AP2A2: variants seen among roughly 807,000 people sequenced by gnomAD.
AP2A2 encodes the protein adaptor related protein complex 2 subunit alpha 2.
Under a neutral mutation model 104.2 loss-of-function variants are expected in AP2A2, and 32 were observed. The ratio of observed to expected loss-of-function variants is 0.31; its 90% confidence interval spans 0.23 to 0.41. The LOEUF (loss-of-function observed/expected upper bound fraction) is 0.41. AP2A2 is among the 10% of genes least tolerant of loss of function. The pLI is 1.00. For missense variants in AP2A2, 912 were observed against 1,261.0 expected, an observed-to-expected ratio of 0.72 and a Z score of 4.19; for synonymous variants, 539 against 533.3, an observed-to-expected ratio of 1.01 and a Z score of -0.15.
rs569756691 is a variant in AP2A2, at chr11:933,980, C to T, written c.67+7892C>T. Among the ~76,000 whole-genome samples, 8 of 152,180 alleles carry T rather than the reference C, an allele frequency of 5.3e-5. No individual in the cohort carries two copies. The East Asian group carries it at 1.5e-3, about 29-fold the overall frequency. On this transcript the variant is annotated intron_variant, in intron 1 of 21. Transcript: ENST00000448903. ...AGGCTTCAGCAGGCTGGGAAGGTGG[C>T]AGGAGCACAGGGTGCCAGGGGTGGG...
At chr11:988,101 C>T (rs7115336) in intron 9 of AP2A2, among the ~76,000 whole-genome samples, 1 of 152,236 alleles carries the variant, frequency 6.6e-6, no homozygotes, top group African/African-American at 2.4e-5. Flanking sequence ...CGGGCTTTCT[C>T]GTGCTGCAGA....
chr11:971,259 T>G (rs1589978766), intron 3 of AP2A2, among the ~76,000 whole-genome samples: 4 of 130,162 alleles, frequency 3.1e-5, no homozygotes, highest in Admixed American at 8.0e-5. Flanking sequence ...GGAGTGGAGG[T>G]GGGTGTGTTG....
At chr11:1,007,962 T>G in intron 17 of AP2A2, 50 bp from the exon 18 acceptor site, 2 of 1,550,868 alleles carry the variant, frequency 1.3e-6, no homozygotes, top group African/African-American at 1.4e-5. Context: ...CCGGCCCGTT[T>G]CCGCTTCTGC....
chr11:978,241 C>T (rs757511816), intron 5 of AP2A2, among the ~76,000 whole-genome samples: 54 of 152,218 alleles, frequency 3.5e-4, no homozygotes, highest in Admixed American at 1.5e-3. Flanking sequence ...GCTGAGGGAC[C>T]GGGGCTGCCT....
At chr11:994,588 T>G (rs1163011938) in intron 14 of AP2A2, among the ~76,000 whole-genome samples, 11 of 116,572 alleles carry the variant, frequency 9.4e-5, no homozygotes, top group South Asian at 3.0e-4. Flanking sequence ...CGCCCCGTTG[T>G]CCTGTCCCGG....
rs558115344 is a variant in AP2A2 at position 964,373 on chromosome 11, T to G, written c.136+4868T>G. ...CAGCTCTGACCTGGAGTTCTGGGGC[T>G]TCTCTGCGGGGCACCAGTCTGTAGG... On this transcript the variant is annotated intron_variant, in intron 2 of 21. Transcript: ENST00000448903. 9.8e-5 allele frequency among the ~76,000 whole-genome samples: 15 copies of G among 152,364 alleles called. 1 individual carries two copies. In the East Asian group the frequency reaches 2.9e-3, roughly 29 times the overall value.
At chr11:959,205 T>C (rs916809537) in intron 1 of AP2A2, among the ~76,000 whole-genome samples, 15 of 152,246 alleles carry the variant, frequency 9.9e-5, no homozygotes, top group African/African-American at 3.6e-4. Context: ...CTCGCTCCTT[T>C]GCTGTCCTGA....
intron 4 of AP2A2, among the ~76,000 whole-genome samples, chr11:973,104 C>T (rs1177045235): frequency 1.3e-5 from 2 of 152,236 alleles, no homozygotes; most frequent in Non-Finnish European, 2.9e-5. Context: ...CACGGTGCCA[C>T]CCGGCTGAGC....
At chr11:1,006,168 C>G (rs1297912017) in intron 16 of AP2A2, among the ~76,000 whole-genome samples, 1 of 152,238 alleles carries the variant, frequency 6.6e-6, no homozygotes, top group African/African-American at 2.4e-5. Flanking sequence ...GGAAAAGATG[C>G]TTGGCAGGCC....
intron 1 of AP2A2, among the ~76,000 whole-genome samples, chr11:945,855 T>C (rs1410332846): frequency 6.6e-6 from 1 of 152,126 alleles, no homozygotes; most frequent in Non-Finnish European, 1.5e-5. Flanking sequence ...TAGGTGAGGC[T>C]TAGAGGCAGG....
intron 1 of AP2A2, among the ~76,000 whole-genome samples, chr11:957,759 A>G (rs1270032694): frequency 2.6e-5 from 4 of 152,220 alleles, no homozygotes; most frequent in East Asian, 1.9e-4. Flanking sequence ...TGCTCCCTGT[A>G]TCGTAATCCC....
intron 1 of AP2A2, among the ~76,000 whole-genome samples, chr11:959,166 G>A (rs1221158163): frequency 6.6e-6 from 1 of 152,246 alleles, no homozygotes; most frequent in Non-Finnish European, 1.5e-5. Flanking sequence ...CCCCCTGGGT[G>A]CGCAGCGGCT....
At chr11:938,926 A>G (rs1214471891) in intron 1 of AP2A2, among the ~76,000 whole-genome samples, 12 of 152,128 alleles carry the variant, frequency 7.9e-5, no homozygotes, top group Admixed American at 4.6e-4. Flanking sequence ...GCTTGTCCTT[A>G]CTTAAATGTT....
At chr11:996,451 T>G (rs759840171) in intron 14 of AP2A2, among the ~76,000 whole-genome samples, 48 of 152,206 alleles carry the variant, frequency 3.2e-4, no homozygotes, top group Non-Finnish European at 5.7e-4. Flanking sequence ...GTCTTCAGTC[T>G]CTCTTTGGTT....
At chr11:960,968 G>A (rs1854416041) in intron 2 of AP2A2, among the ~76,000 whole-genome samples, 1 of 152,270 alleles carries the variant, frequency 6.6e-6, no homozygotes, top group South Asian at 2.1e-4. Context: ...GTGCACCTTT[G>A]TTCTTAACTG....
intron 4 of AP2A2, among the ~76,000 whole-genome samples, chr11:976,009 A>C (rs1472404524): frequency 2.0e-5 from 3 of 152,208 alleles, no homozygotes; most frequent in Non-Finnish European, 4.4e-5. Flanking sequence ...AGCCACAAGC[A>C]TGGAACCTGG....
intron 4 of AP2A2, among the ~76,000 whole-genome samples, chr11:972,518 G>A (rs929748291): frequency 1.3e-5 from 2 of 152,100 alleles, no homozygotes; most frequent in African/African-American, 2.4e-5. Flanking sequence ...AACATAGGGA[G>A]ATCCCATCTC....
Position 988,857 on chromosome 11 carries a change from G to A in AP2A2, c.1269+168G>A, listed in dbSNP as rs531250384. ...TGTTTTCATCCACATTTTCAAGCTG[G>A]GTGTGGTGGCACCTGTGGTCCCCGC... On this transcript the variant is annotated intron_variant, in intron 10 of 21. Transcript: ENST00000448903. 36 of 943,412 alleles carry A rather than the reference G, an allele frequency of 3.8e-5. No homozygotes were observed. The African/African-American group carries it at 4.5e-4, about 12-fold the overall frequency. 58.4% of individuals were successfully genotyped at this position (943,412 alleles called of 1,614,324 possible).
intron 7 of AP2A2, among the ~76,000 whole-genome samples, chr11:984,988 CA>C (rs1855403263): frequency 6.6e-6 from 1 of 152,094 alleles, no homozygotes; most frequent in African/African-American, 2.4e-5. Context: ...CAGATTTGTG[CA>C]GGTTTTCTTT....
Sources: allele counts gnomAD v4.1 joint callset (sites outside exome capture counted in the v4.1 genomes callset), GRCh38; gene constraint gnomAD v4.1.1; transcripts MANE v1.5; gene names NCBI Gene and HGNC (gene_info 2026-07-23, HGNC 2026-07-21).